EPAS1: variants seen among roughly 807,000 people sequenced by gnomAD.
EPAS1 encodes endothelial PAS domain-containing protein 1.
A neutral mutation model predicts 87.9 loss-of-function variants in EPAS1; 23 were observed. The ratio of observed to expected loss-of-function variants is 0.26; its 90% CI spans 0.19 to 0.37. The LOEUF is 0.37. Among genes scored for constraint, EPAS1 ranks in the 10% least tolerant of loss-of-function variants. EPAS1 has a pLI of 1.00. For missense variants in EPAS1, 1,138 were observed against 1,120.7 expected (o/e 1.02, Z -0.22); for synonymous variants, 508 against 444.3 (o/e 1.14, Z -1.80).
intron 6 of EPAS1, among the ~76,000 whole-genome samples, chr2:46,365,288 G>A (rs1410442679): frequency 6.6e-6 from 1 of 152,082 alleles, no homozygotes; most frequent in Non-Finnish European, 1.5e-5. Context: ...CAACAAAGAG[G>A]GTCATACAAT....
intron 1 of EPAS1, among the ~76,000 whole-genome samples, chr2:46,339,285 T>C (rs1381509725): frequency 6.6e-6 from 1 of 152,230 alleles, no homozygotes; most frequent in Non-Finnish European, 1.5e-5. Context: ...GCATTACCCT[T>C]ATCTTCACCA....
At chr2:46,302,128 G>GTGTGTGTA (rs1192189257) in intron 1 of EPAS1, among the ~76,000 whole-genome samples, 81 of 146,672 alleles carry the variant, frequency 5.5e-4, no homozygotes, top group Non-Finnish European at 1.1e-3. Context: ...CTGTGTGTGT[G>GTGTGTGTA]TGTGTGTGTG....
intron 1 of EPAS1, among the ~76,000 whole-genome samples, chr2:46,331,722 G>A (rs557742651): frequency 1.4e-4 from 21 of 152,208 alleles, no homozygotes; most frequent in Admixed American, 7.8e-4. Context: ...TCTACCAACC[G>A]GCACCGAAAT....
At chr2:46,361,136 C>A (rs1297039784) in intron 6 of EPAS1, 46 bp downstream of exon 6, 13 of 1,593,554 alleles carry the variant, frequency 8.2e-6, no homozygotes, top group Non-Finnish European at 1.1e-5. Flanking sequence ...ATGGGTCTTA[C>A]CTGTGTGTGT....
intron 1 of EPAS1, among the ~76,000 whole-genome samples, chr2:46,320,375 T>C (rs1034965567): frequency 3.9e-5 from 6 of 152,238 alleles, no homozygotes; most frequent in Non-Finnish European, 7.3e-5. Context: ...AACAGGACTT[T>C]GTTGAAATGG....
chr2:46,381,320 G>T, intron 12 of EPAS1: 1 of 504,050 alleles, frequency 2.0e-6, no homozygotes, highest in African/African-American at 1.9e-5. Context: ...GGAGAGACAT[G>T]GGCAGAAGAA....
intron 1 of EPAS1, among the ~76,000 whole-genome samples, chr2:46,307,652 T>C (rs1558581867): frequency 6.6e-6 from 1 of 152,182 alleles, no homozygotes; most frequent in African/African-American, 2.4e-5. Context: ...TCTGTGTGGC[T>C]GGGCACTGTG....
At chr2:46,350,442 T>G in intron 2 of EPAS1, among the ~76,000 whole-genome samples, 1 of 152,252 alleles carries the variant, frequency 6.6e-6, no homozygotes, top group Admixed American at 6.5e-5. Flanking sequence ...TGTGGGAATG[T>G]TGGAGAGGAA....
intron 12 of EPAS1, 189 bp from the exon 13 acceptor site, chr2:46,381,407 T>C (rs2103675350): frequency 1.2e-6 from 1 of 842,662 alleles, no homozygotes; most frequent in East Asian, 2.7e-5. Flanking sequence ...CAGCATCTTA[T>C]AGCTGAGGAA....
intron 1 of EPAS1, among the ~76,000 whole-genome samples, chr2:46,330,682 G>A (rs1219105676): frequency 1.3e-5 from 2 of 152,222 alleles, no homozygotes; most frequent in Non-Finnish European, 2.9e-5. Flanking sequence ...CCACAATAGG[G>A]TTGCCCCATG....
chr2:46,366,986 G>T (rs1345098775), intron 6 of EPAS1, among the ~76,000 whole-genome samples: 1 of 152,226 alleles, frequency 6.6e-6, no homozygotes, highest in East Asian at 1.9e-4. Context: ...TTCTTCAATT[G>T]TGTTTGGGAT....
intron 1 of EPAS1, among the ~76,000 whole-genome samples, chr2:46,332,824 G>A (rs1028885930): frequency 1.3e-5 from 2 of 152,176 alleles, no homozygotes; most frequent in Admixed American, 1.3e-4. Flanking sequence ...GTGAGGTGAG[G>A]GCTCTGGGCC....
chr2:46,342,181 A>C (rs1166101302), intron 1 of EPAS1, among the ~76,000 whole-genome samples: 2 of 152,156 alleles, frequency 1.3e-5, no homozygotes, highest in African/African-American at 4.8e-5. Flanking sequence ...TCCAGTGAGC[A>C]GCAAAACTGA....
At chr2:46,369,144 T>C (rs1488061220) in intron 6 of EPAS1, among the ~76,000 whole-genome samples, 2 of 152,128 alleles carry the variant, frequency 1.3e-5, no homozygotes, top group African/African-American at 2.4e-5. Flanking sequence ...TAATATTTCT[T>C]CCTCTCAGCA....
chr2:46,314,777 G>T (rs1683279553), intron 1 of EPAS1, among the ~76,000 whole-genome samples: 1 of 152,222 alleles, frequency 6.6e-6, no homozygotes, highest in Non-Finnish European at 1.5e-5. Flanking sequence ...AGGAGGTTCT[G>T]TTGGAATAGA....
intron 2 of EPAS1, among the ~76,000 whole-genome samples, chr2:46,352,619 G>A (rs1424431445): frequency 2.0e-5 from 3 of 152,188 alleles, no homozygotes; most frequent in African/African-American, 7.2e-5. Flanking sequence ...TGGCTCCCCA[G>A]TTTTCACTCT....
rs929964748 is a variant in EPAS1 at position 46,347,885 on chromosome 2, G to C, written c.217+822G>C. On this transcript the variant is annotated intron_variant, in intron 2 of 15. Transcript: ENST00000263734. This position sits in a 1 kb window ranked among gnomAD's most constrained non-coding sequence, Gnocchi z 4.2. ...GTTCTGTAAGGACGCTGGGCAACGA[G>C]TTGTGCTCCTCCCCACCTGGTCTGG... Among the ~76,000 whole-genome samples, 2 of 152,216 alleles carry C rather than the reference G, an allele frequency of 1.3e-5. No homozygotes were observed. The highest frequency in any genetic ancestry group is 4.1e-4 in the South Asian group (2 of 4,830).
Position 46,380,813 on chromosome 2 carries a change from C to T in EPAS1, c.2045+96C>T. 2.5e-6 allele frequency: 4 copies of T among 1,586,326 alleles called. No homozygotes were observed. The East Asian group carries it at 8.9e-5, about 35-fold the overall frequency. On this transcript the variant is annotated intron_variant, in intron 12 of 15. Transcript: ENST00000263734. This position sits in a 1 kb window ranked among gnomAD's most constrained non-coding sequence, Gnocchi z 4.4. ...CCCCAGGGAGGCCCCTGCCCCTCTC[C>T]CCAGCCATCTGATACCCCATTTAGC... is the stretch of plus-strand genomic sequence containing the variant.
At chr2:46,327,394 C>G (rs11125071) in intron 1 of EPAS1, among the ~76,000 whole-genome samples, 72,180 of 151,806 alleles carry the variant, frequency 0.48, 17,344 homozygotes, top group East Asian at 0.66. Context: ...GCAGTGAGAA[C>G]ATAGGAATAG....
Sources: gnomAD v4.1 joint callset for allele counts (sites outside exome capture counted in the v4.1 genomes callset) on GRCh38, gnomAD v4.1.1 for gene constraint, Gnocchi (gnomAD v3.1) non-coding constraint, MANE v1.5 for transcripts, NCBI Gene and HGNC (gene_info 2026-07-23, HGNC 2026-07-21) for gene names.